Variants in OR7E24 observed in about 807,000 individuals in gnomAD.
The protein encoded by OR7E24 is olfactory receptor 7E24.
For synonymous variants in OR7E24, 130 were observed against 157.5 expected, an observed-to-expected ratio of 0.83 and a Z score of 1.31; for missense variants, 385 against 410.3, an observed-to-expected ratio of 0.94 and a Z score of 0.53.
the OR7E24 span, chr19:9,213,600 T>A: frequency 3.1e-6 from 1 of 318,482 alleles, no homozygotes; most frequent in Non-Finnish European, 5.9e-6. Flanking sequence ...TAGCTGGCTG[T>A]GGTGGCACAC....
chr19:9,206,630 T>C, the OR7E24 span: 116 of 152,338 alleles, frequency 7.6e-4, no homozygotes, highest in African/African-American at 2.6e-3. Flanking sequence ...AATTGTTTTG[T>C]TCAAAGTCCA....
the OR7E24 span, among the ~76,000 whole-genome samples, chr19:9,216,009 T>G: frequency 1.3e-5 from 2 of 152,106 alleles, no homozygotes; most frequent in African/African-American, 2.4e-5. Context: ...ACATCTTACA[T>G]GGATGGTGGC....
Position 9,251,764 on chromosome 19 carries a change from TC to T in OR7E24, c.714del (p.Ile239PhefsTer2), listed in dbSNP as rs768862407. ...CCTTTTCTCTTACTATAAAATTGTT[TC>T]CCCCATTCTGAGAGTTCCAACATCA... is the stretch of plus-strand genomic sequence containing the variant. On this transcript the variant is annotated frameshift_variant, in exon 2 of 2. Coordinates refer to the OR7E24 transcript ENST00000641946. LOFTEE classifies it low-confidence loss of function (END_TRUNC). The T allele has an allele frequency of 1.1e-4, 180 of 1,611,656 alleles. No individual in the cohort carries two copies. The highest frequency in any genetic ancestry group is 1.5e-4 in the Non-Finnish European group (176 of 1,178,826).
In OR7E24 at chr19:9,251,126, C is replaced by T. The variant is rs370119966; in HGVS notation, c.83C>T (p.Ser28Leu). ...GAGCCACAGAATCTCACAGGTGTCTCAGAATTCCTCCTCCTGGGACTCTCA... is the reference window on the plus strand; with the variant it reads ...GAGCCACAGAATCTCACAGGTGTCTTAGAATTCCTCCTCCTGGGACTCTCA... ...YTEPQNLTGV[S>L]EFLLLGLSED... The change falls in exon 1 of 1, where the codon TCA becomes TTA. Residue 28 changes from serine to leucine, a missense_variant. Transcript: ENST00000456448. 53 of 1,613,606 alleles carry T rather than the reference C, an allele frequency of 3.3e-5. No homozygotes were observed. In the African/African-American group the frequency reaches 6.0e-4, roughly 18 times the overall value.
the OR7E24 span, among the ~76,000 whole-genome samples, chr19:9,221,189 T>G: frequency 2.0e-5 from 3 of 150,204 alleles, no homozygotes; most frequent in African/African-American, 7.3e-5. Flanking sequence ...GGAGAATGAC[T>G]TCAACCCGGG....
upstream of OR7E24, among the ~76,000 whole-genome samples, chr19:9,248,955 G>A (rs558762703): frequency 1.6e-4 from 24 of 152,212 alleles, no homozygotes; most frequent in Non-Finnish European, 3.4e-4. Context: ...TGAGATGTCT[G>A]TGTCTCTGAG....
At position 9,251,109 on chromosome 19, in the gene OR7E24, G is replaced by A. The variant is rs1444494259; in HGVS notation, c.66G>A (p.Gln22=). 1.2e-6 allele frequency: 2 copies of A among 1,612,992 alleles called. No homozygotes were observed. Among genetic ancestry groups the A allele is most frequent in the Non-Finnish European group, 1.7e-6 (2 of 1,179,364 alleles). The part of the protein sequence containing the change: ...LKRCPSYTEP[Q]NLTGVSEFLL... The stretch of plus-strand genomic sequence containing the variant: ...GGTGTCCGAGCTACACAGAGCCACA[G>A]AATCTCACAGGTGTCTCAGAATTCC... The change falls in exon 1 of 1, where the codon CAG becomes CAA. Residue 22 remains glutamine, a synonymous_variant. Coordinates refer to ENST00000456448, the MANE Select transcript of OR7E24 (RefSeq NM_001079935.2).
the OR7E24 span, chr19:9,210,732 C>G: frequency 4.7e-5 from 7 of 148,954 alleles, no homozygotes; most frequent in Admixed American, 1.3e-4. Context: ...AGAGTCTACA[C>G]TAGGGAGTTC....
chr19:9,226,219 A>G, the OR7E24 span, among the ~76,000 whole-genome samples: 1 of 152,240 alleles, frequency 6.6e-6, no homozygotes, highest in Non-Finnish European at 1.5e-5. Flanking sequence ...ATAAAGAAAT[A>G]GCACTTGAAT....
the OR7E24 span, among the ~76,000 whole-genome samples, chr19:9,240,407 C>T: frequency 6.6e-6 from 1 of 152,156 alleles, no homozygotes; most frequent in African/African-American, 2.4e-5. Context: ...TTTACTGAGA[C>T]CTGAGATGAG....
chr19:9,232,591 C>G, the OR7E24 span, among the ~76,000 whole-genome samples: 8 of 151,364 alleles, frequency 5.3e-5, no homozygotes, highest in Admixed American at 4.0e-4. Flanking sequence ...AACGGCACAC[C>G]TGGTCCAACC....
At chr19:9,214,230 G>A in the OR7E24 span, 20 of 1,614,126 alleles carry the variant, frequency 1.2e-5, no homozygotes, top group African/African-American at 4.0e-5. Context: ...CAGCAGTGCC[G>A]TGGCCACATA....
chr19:9,243,344 A>AT (rs58510880), upstream of OR7E24, among the ~76,000 whole-genome samples: 4,915 of 138,966 alleles, frequency 0.035, 110 homozygotes, highest in East Asian at 0.067. Flanking sequence ...TTGCTCTGGC[A>AT]TTTTTTTTTT....
the OR7E24 span, chr19:9,236,025 C>A: frequency 9.9e-6 from 16 of 1,610,140 alleles, no homozygotes; most frequent in Non-Finnish European, 1.4e-5. Flanking sequence ...GCCTGAGGAA[C>A]AAGGATGTGA....
At chr19:9,227,096 C>T in the OR7E24 span, among the ~76,000 whole-genome samples, 2 of 152,166 alleles carry the variant, frequency 1.3e-5, no homozygotes, top group Admixed American at 6.5e-5. Context: ...CTCTCTGTGT[C>T]CATGTGTTCC....
the OR7E24 span, among the ~76,000 whole-genome samples, chr19:9,234,388 ACT>A: frequency 6.6e-6 from 1 of 152,048 alleles, no homozygotes; most frequent in Non-Finnish European, 1.5e-5. Context: ...ATTTACTGAG[ACT>A]CTTATTGTAC....
chr19:9,240,553 C>T, the OR7E24 span, among the ~76,000 whole-genome samples: 2 of 152,184 alleles, frequency 1.3e-5, no homozygotes, highest in Non-Finnish European at 2.9e-5. Context: ...TGATTCATTT[C>T]TGCACCACCT....
the OR7E24 span, among the ~76,000 whole-genome samples, chr19:9,232,858 T>C: frequency 6.6e-6 from 1 of 152,140 alleles, no homozygotes; most frequent in African/African-American, 2.4e-5. Flanking sequence ...ACGGGTACCA[T>C]GTACACCTCT....
chr19:9,216,307 C>A, the OR7E24 span, among the ~76,000 whole-genome samples: 1 of 152,142 alleles, frequency 6.6e-6, no homozygotes, highest in Non-Finnish European at 1.5e-5. Flanking sequence ...AAGAGGTTGA[C>A]CTTCTCTATA....
Sources: gnomAD v4.1 joint callset for allele counts (sites outside exome capture counted in the v4.1 genomes callset) on GRCh38, gnomAD v4.1.1 for gene constraint, MANE v1.5 for transcripts, NCBI Gene and HGNC (gene_info 2026-07-23, HGNC 2026-07-21) for gene names.